The following TTLL12 variants were observed in gnomAD, a reference collection of about 807,000 sequenced individuals.
TTLL12 encodes the protein tubulin--tyrosine ligase-like protein 12.
A neutral mutation model predicts 79.6 loss-of-function variants in TTLL12; 77 were observed. The observed-to-expected ratio is 0.97, with a 90% CI of 0.81 to 1.17. The LOEUF (loss-of-function observed/expected upper bound fraction) is 1.17, where lower values mean the gene tolerates loss of function less well. TTLL12 is among the 50% of genes most tolerant of loss of function. The probability of loss-of-function intolerance (pLI) is 0.00; values close to 1 mark genes in which losing one functional copy is unlikely to be tolerated. For synonymous variants in TTLL12, 437 were observed against 376.1 expected, an observed-to-expected ratio of 1.16 and a Z score of -1.87; for missense variants, 969 against 895.9, an observed-to-expected ratio of 1.08 and a Z score of -1.04.
At chr22:43,172,163 A>G (rs143501796) in intron 10 of TTLL12, among the ~76,000 whole-genome samples, 52 of 152,308 alleles carry the variant, frequency 3.4e-4, no homozygotes, top group African/African-American at 1.2e-3. Flanking sequence ...GTTGGTGCCC[A>G]TTTTACAAAG....
chr22:43,184,577 G>A (rs906938904), intron 1 of TTLL12, among the ~76,000 whole-genome samples: 4 of 152,202 alleles, frequency 2.6e-5, no homozygotes, highest in African/African-American at 9.6e-5. Flanking sequence ...GCAAACCAGG[G>A]GTCACATGAG....
chr22:43,179,020 G>A (rs904761330), intron 5 of TTLL12, among the ~76,000 whole-genome samples: 11 of 152,064 alleles, frequency 7.2e-5, no homozygotes, highest in African/African-American at 2.4e-4. Flanking sequence ...GGTTCTGGAG[G>A]TGGCTACGCT....
At chr22:43,178,196 T>G (rs1044520408) in intron 5 of TTLL12, among the ~76,000 whole-genome samples, 1 of 152,174 alleles carries the variant, frequency 6.6e-6, no homozygotes, top group Non-Finnish European at 1.5e-5. Context: ...CCCCTTGTTT[T>G]TGGCATGGTT....
intron 2 of TTLL12, 37 bp from the exon 3 acceptor site, chr22:43,180,977 G>A: frequency 6.3e-7 from 1 of 1,594,044 alleles, no homozygotes; most frequent in Non-Finnish European, 8.6e-7. Flanking sequence ...CTGCCGGGTG[G>A]GCATGGGGCA....
chr22:43,177,854 T>C (rs1931954337), intron 5 of TTLL12, among the ~76,000 whole-genome samples: 1 of 152,156 alleles, frequency 6.6e-6, no homozygotes, highest in South Asian at 2.1e-4. Flanking sequence ...AGGTGCTAAG[T>C]TTTGGAGTTA....
In TTLL12 at chr22:43,167,371, C is replaced by G. The variant is rs1931642910; in HGVS notation, c.*637G>C. On this transcript the variant is annotated 3_prime_UTR_variant, in exon 14 of 14. Transcript: ENST00000216129. Reference sequence around the variant, plus strand: ...ACAAGACGGTGGCCTCCTGCCAGGACCTCAGCAGGAGGTTTGCTGGTGAAG... The same window carrying G: ...ACAAGACGGTGGCCTCCTGCCAGGAGCTCAGCAGGAGGTTTGCTGGTGAAG... 1 of 315,736 alleles carries G rather than the reference C, an allele frequency of 3.2e-6. No homozygotes were observed. Among genetic ancestry groups the G allele is most frequent in the East Asian group, 9.6e-5 (1 of 10,452 alleles). The allele number at this position is 315,736 out of a possible 1,614,324, so 19.6% of individuals were successfully genotyped here.
At position 43,167,168 on chromosome 22, in the gene TTLL12, C is replaced by T. The variant is rs28685261; in HGVS notation, c.*840G>A. Reference sequence around the variant, plus strand: ...CTCATTGGAATCCTTTTCTGTCTGGCGCTCCACCGCCCACAATCAGCCCCA... The same window carrying T: ...CTCATTGGAATCCTTTTCTGTCTGGTGCTCCACCGCCCACAATCAGCCCCA... On this transcript the variant is annotated 3_prime_UTR_variant, in exon 14 of 14. Transcript: ENST00000216129. The T allele has an allele frequency of 3.4e-5, 18 of 531,404 alleles. No homozygotes were observed. The highest frequency in any genetic ancestry group is 9.6e-5 in the African/African-American group (5 of 52,100). The allele number at this position is 531,404 out of a possible 1,614,324, so 32.9% of individuals were successfully genotyped here.
chr22:43,184,106 G>C (rs1374093070), intron 1 of TTLL12, among the ~76,000 whole-genome samples: 1 of 152,264 alleles, frequency 6.6e-6, no homozygotes, highest in Non-Finnish European at 1.5e-5. Context: ...ACTTGTGAGA[G>C]GGGGTGTCAT....
intron 2 of TTLL12, among the ~76,000 whole-genome samples, chr22:43,182,350 G>A (rs887483689): frequency 1.3e-5 from 2 of 152,230 alleles, no homozygotes; most frequent in Non-Finnish European, 2.9e-5. Flanking sequence ...AGGAGGAGGC[G>A]GGAGAAGCTC....
At chr22:43,177,228 G>A (rs927682937) in intron 5 of TTLL12, among the ~76,000 whole-genome samples, 8 of 152,094 alleles carry the variant, frequency 5.3e-5, no homozygotes, top group Non-Finnish European at 8.8e-5. Context: ...AATTAGCGGG[G>A]CTTGGTAGCA....
At chr22:43,182,117 C>G (rs914682082) in intron 2 of TTLL12, among the ~76,000 whole-genome samples, 2 of 151,280 alleles carry the variant, frequency 1.3e-5, no homozygotes, top group African/African-American at 4.8e-5. Flanking sequence ...CCACCCAAAA[C>G]AAGGCTGGCA....
In TTLL12 at chr22:43,179,039, C is replaced by T. The variant is rs1359043470; in HGVS notation, c.840+580G>A. On this transcript the variant is annotated intron_variant, in intron 5 of 13. Transcript: ENST00000216129. ...CTGGAGGTGGCTACGCTCCCACAGG[C>T]TCCTCTTCCTCCCCCGGCACTGGGG... is the stretch of plus-strand genomic sequence containing the variant. Among the ~76,000 whole-genome samples the T allele has an allele frequency of 2.6e-5, 4 of 152,258 alleles. No homozygotes were observed. In the East Asian group the frequency reaches 7.8e-4, roughly 30 times the overall value.
At position 43,174,367 on chromosome 22, in the gene TTLL12, G is replaced by A; in HGVS notation, c.1071C>T (p.Asn357=). The stretch of plus-strand genomic sequence containing the variant: ...TCAGCAGGTTCTCGCAGGGGAACTG[G>A]TTCAGCAGCACGCCTGGCCTCTCCT... ...LSQERPGVLL[N]QFPCENLLTV... Residue 357 remains asparagine, a synonymous_variant, in exon 8 of 14, where the codon AAC becomes AAT. Coordinates refer to ENST00000216129, the MANE Select transcript of TTLL12 (RefSeq NM_015140.4). 1.3e-6 allele frequency: 2 copies of A among 1,584,436 alleles called. No individual in the cohort carries two copies. The highest frequency in any genetic ancestry group is 1.7e-6 in the Non-Finnish European group (2 of 1,161,564).
chr22:43,187,122 G>A lies in TTLL12; in HGVS notation c.-53C>T, dbSNP rs1932208712. 1 of 958,238 alleles carries A rather than the reference G, an allele frequency of 1.0e-6. No individual in the cohort carries two copies. Among genetic ancestry groups the A allele is most frequent in the Non-Finnish European group, 1.2e-6 (1 of 802,864 alleles). The allele number at this position is 958,238 out of a possible 1,614,324, so 59.4% of individuals were successfully genotyped here. On this transcript the variant is annotated 5_prime_UTR_variant, in exon 1 of 14. In the 5' UTR this introduces an upstream ATG that the reference lacks. Transcript: ENST00000216129. ...GCCGCCACCGCCGCCGCCGCCCGCC[G>A]TCCGTCGGCCCTGCCCTCCCGCCTC... is the stretch of plus-strand genomic sequence containing the variant.
chr22:43,167,947 C>G lies in TTLL12; in HGVS notation c.*61G>C. ...AGGGACATGGGGGCCTTTGCAGAAGCAGCTCAGAGAACTGAGGTTGGAATC... is the reference window on the plus strand; with the variant it reads ...AGGGACATGGGGGCCTTTGCAGAAGGAGCTCAGAGAACTGAGGTTGGAATC... On this transcript the variant is annotated 3_prime_UTR_variant, in exon 14 of 14. Transcript: ENST00000216129. 3 of 1,572,642 alleles carry G rather than the reference C, an allele frequency of 1.9e-6. No homozygotes were observed. The highest frequency in any genetic ancestry group is 2.6e-6 in the Non-Finnish European group (3 of 1,154,526).
At chr22:43,170,044 T>C (rs1031197369) in intron 11 of TTLL12, 5 of 364,362 alleles carry the variant, frequency 1.4e-5, no homozygotes, top group African/African-American at 1.1e-4. Context: ...CTTTCTGGCC[T>C]CAAGACTTTA....
At chr22:43,174,475 C>T (rs759368304) in intron 7 of TTLL12, 24 bp downstream of exon 7, 5 of 1,586,100 alleles carry the variant, frequency 3.2e-6, no homozygotes, top group Non-Finnish European at 4.3e-6. Flanking sequence ...CTGGGAGGGC[C>T]CCTGCGGCCA....
Position 43,176,508 on chromosome 22 carries a change from T to C in TTLL12, c.841-112A>G, listed in dbSNP as rs1931916958. On this transcript the variant is annotated intron_variant, in intron 5 of 13. Coordinates refer to ENST00000216129, the MANE Select transcript of TTLL12 (RefSeq NM_015140.4). ...ACTTTGAGAGGGTGAGGCAGGTGGA[T>C]CACGTGATGTCAGGAGCTCGAGACC... 6.0e-6 allele frequency: 5 copies of C among 830,530 alleles called. No individual in the cohort carries two copies. The South Asian group carries it at 7.3e-5, about 12-fold the overall frequency. 51.4% of individuals were successfully genotyped at this position (830,530 alleles called of 1,614,324 possible). A position where few individuals can be genotyped will look rare whatever the true frequency, so the allele number is the denominator to read the frequency against.
chr22:43,173,665 C>A lies in TTLL12; in HGVS notation c.1341+50G>T, dbSNP rs761008919. On this transcript the variant is annotated intron_variant, in intron 9 of 13. Transcript: ENST00000216129. ...TCGGTCCCCTTAGCCCCACCTCTCACTGTCCAGCCAGGGCCCTGAGCCCTG... is the reference window on the plus strand; with the variant it reads ...TCGGTCCCCTTAGCCCCACCTCTCAATGTCCAGCCAGGGCCCTGAGCCCTG... 4.5e-6 allele frequency: 7 copies of A among 1,557,188 alleles called. No individual in the cohort carries two copies. In the South Asian group the frequency reaches 7.8e-5, roughly 17 times the overall value.
Sources: allele counts gnomAD v4.1 joint callset (sites outside exome capture counted in the v4.1 genomes callset), GRCh38; gene constraint gnomAD v4.1.1; transcripts MANE v1.5; gene names NCBI Gene and HGNC (gene_info 2026-07-23, HGNC 2026-07-21).